Variants in SHOX observed in about 807,000 individuals in gnomAD.
The protein encoded by SHOX is short stature homeobox protein.
SHOX carries 12 observed loss-of-function variants against 29.6 expected under a neutral mutation model. The ratio of observed to expected loss-of-function variants is 0.41; its 90% CI spans 0.26 to 0.66. The LOEUF is 0.66. SHOX is among the 30% of genes least tolerant of loss of function. The pLI, the probability that SHOX is intolerant of heterozygous loss-of-function variation, is 0.35. For synonymous variants in SHOX, 214 were observed against 200.6 expected (o/e 1.07, Z -0.57); for missense variants, 499 against 437.7 (o/e 1.14, Z -1.25).
At chrX:658,920 A>G (rs2053187804) in exon 6 of SHOX, 1 of 262,758 alleles carries the variant, frequency 3.8e-6, no homozygotes, top group African/African-American at 2.3e-5. Context: ...GCCCACCACC[A>G]TGTCAAGATA....
At chrX:651,837 C>A (rs1013501132), downstream of SHOX, among the ~76,000 whole-genome samples, 1 of 151,910 alleles carries the variant, frequency 6.6e-6, no homozygotes, top group Non-Finnish European at 1.5e-5. Flanking sequence ...AACGTCCCCC[C>A]AGAAGGTGGC....
intron 4 of SHOX, among the ~76,000 whole-genome samples, chrX:641,616 G>A (rs993478569): frequency 2.0e-5 from 3 of 150,692 alleles, no homozygotes; most frequent in African/African-American, 4.9e-5. Context: ...GGAGGTGGAG[G>A]TTGCCGTGAG....
At chrX:657,470 C>G (rs1467457329) in intron 5 of SHOX, among the ~76,000 whole-genome samples, 3 of 152,182 alleles carry the variant, frequency 2.0e-5, no homozygotes, top group African/African-American at 4.8e-5. Context: ...GCTGCCCATC[C>G]TTCTAGAAGA....
Position 648,889 on chromosome X carries a change from CT to C in SHOX, c.*4254del, listed in dbSNP as rs1253122051. 5.4e-4 allele frequency among the ~76,000 whole-genome samples: 77 copies of C among 141,958 alleles called. 1 individual carries two copies. The highest frequency in any genetic ancestry group is 7.7e-4 in the Non-Finnish European group (50 of 65,230). The allele number at this position is 141,958 out of a possible 152,430, so 93.1% of individuals were successfully genotyped here. Reference sequence around the variant, plus strand: ...ACCAACGCCCTCTTCTCTCTCCCTTCTCCTTCCTTCCTTCCTTCCTTTCTTT... The same window carrying C: ...ACCAACGCCCTCTTCTCTCTCCCTTCCCTTCCTTCCTTCCTTCCTTTCTTT... On this transcript the variant is annotated 3_prime_UTR_variant, in exon 5 of 5. Coordinates refer to ENST00000686671, the MANE Select transcript of SHOX (RefSeq NM_000451.4).
At chrX:653,275 TAAATA>T (rs1045111911), downstream of SHOX, among the ~76,000 whole-genome samples, 2 of 151,980 alleles carry the variant, frequency 1.3e-5, no homozygotes, top group African/African-American at 2.4e-5. Context: ...TAACAGGAAC[TAAATA>T]AAATAAAACG....
chrX:628,141 CTGTG>C (rs1393361360), upstream of SHOX, among the ~76,000 whole-genome samples: 3 of 36,500 alleles, frequency 8.2e-5, no homozygotes, highest in Non-Finnish European at 2.1e-4. Flanking sequence ...GTATCTCTAT[CTGTG>C]TCTCTCTTTT....
At position 656,842 on chromosome X, in the gene SHOX, CAAA is replaced by C. The variant is rs777955647; in HGVS notation, c.634-1927_634-1925del. On this transcript the variant is annotated intron_variant, in intron 5 of 5. Coordinates refer to the SHOX transcript ENST00000334060. ...TGGGCCACAGAGCAAGACTCCGTCT[CAAA>C]AAAAAAAAAAAAAAACTGCTGCCCA... Among the ~76,000 whole-genome samples, 161 of 49,388 alleles carry C rather than the reference CAAA, an allele frequency of 3.3e-3. 19 individuals carry two copies. The highest frequency in any genetic ancestry group is 0.031 in the Middle Eastern group (2 of 64). 32.4% of individuals were successfully genotyped at this position (49,388 alleles called of 152,430 possible).
At chrX:625,100 TTTCTTTC>T (rs908058380) in intron 1 of SHOX, among the ~76,000 whole-genome samples, 1 of 120,606 alleles carries the variant, frequency 8.3e-6, no homozygotes, top group Non-Finnish European at 1.6e-5. Context: ...CCTCCTTCCC[TTTCTTTC>T]TTCTTTCTTT....
chrX:641,212 C>T, intron 4 of SHOX, 125 bp downstream of exon 4: 1 of 965,626 alleles, frequency 1.0e-6, no homozygotes, highest in South Asian at 1.4e-5. Flanking sequence ...CTCAGCTGGC[C>T]CTTAGAAAAA....
chrX:640,215 T>C (rs756098681), intron 2 of SHOX, among the ~76,000 whole-genome samples: 1 of 144,612 alleles, frequency 6.9e-6, no homozygotes, highest in Non-Finnish European at 1.5e-5. Context: ...TGTGGTGGTG[T>C]GCGCCTGTAA....
intron 2 of SHOX, among the ~76,000 whole-genome samples, chrX:640,037 A>G (rs2052823185): frequency 6.8e-6 from 1 of 146,946 alleles, no homozygotes; most frequent in Non-Finnish European, 1.5e-5. Context: ...CAAAAATCAA[A>G]AAAGAAAACC....
chrX:630,190 C>T (rs2052621103), upstream of SHOX, among the ~76,000 whole-genome samples: 1 of 152,168 alleles, frequency 6.6e-6, no homozygotes, highest in South Asian at 2.1e-4. Context: ...GCCCCTTCTT[C>T]TCACTTTCGG....
At chrX:635,369 G>C (rs980688662) in intron 2 of SHOX, among the ~76,000 whole-genome samples, 4 of 152,160 alleles carry the variant, frequency 2.6e-5, no homozygotes, top group Non-Finnish European at 5.9e-5. Context: ...CATTGAAAAG[G>C]TTTCCTTAGG....
At chrX:657,910 G>A (rs1186727949) in intron 5 of SHOX, among the ~76,000 whole-genome samples, 1 of 152,048 alleles carries the variant, frequency 6.6e-6, no homozygotes, top group East Asian at 1.9e-4. Context: ...GTTTTCCTTT[G>A]GAAGGCCATA....
rs374705909 is a variant in SHOX at position 634,834 on chromosome X, C to G, written c.486+8C>G. ...TCCGAGGCGCGCGTGCAGGTAGGAA[C>G]CCGGGGGCGGGGGCGGGGGGCCCGG... is the stretch of plus-strand genomic sequence containing the variant. On this transcript the variant is annotated splice_region_variant and intron_variant, in intron 2 of 4. Coordinates refer to ENST00000686671, the MANE Select transcript of SHOX (RefSeq NM_000451.4). The G allele has an allele frequency of 1.6e-5, 25 of 1,555,706 alleles. No homozygotes were observed. Among genetic ancestry groups the G allele is most frequent in the Non-Finnish European group, 8.7e-7 (1 of 1,150,328 alleles).
intron 2 of SHOX, 76 bp from the exon 3 acceptor site, chrX:640,745 C>G: frequency 6.4e-7 from 1 of 1,551,782 alleles, no homozygotes; most frequent in Non-Finnish European, 8.9e-7. Context: ...GGTTCAGCCT[C>G]ATGGGAAGGA....
chrX:641,388 C>G (rs2052850920), intron 4 of SHOX, among the ~76,000 whole-genome samples: 1 of 152,008 alleles, frequency 6.6e-6, no homozygotes, highest in Non-Finnish European at 1.5e-5. Flanking sequence ...TTAACGAAAC[C>G]CTGTCTATTA....
chrX:649,616 G>A lies in SHOX; in HGVS notation c.*4980G>A, dbSNP rs2053023302. ...GCTTCCCGGTGAGCTCGCTCGCAGA[G>A]CAAGGAATACCACCCAGAGAGCAAC... On this transcript the variant is annotated 3_prime_UTR_variant, in exon 5 of 5. Coordinates refer to ENST00000686671, the MANE Select transcript of SHOX (RefSeq NM_000451.4). Among the ~76,000 whole-genome samples the A allele has an allele frequency of 6.6e-6, 1 of 152,190 alleles. No individual in the cohort carries two copies. The highest frequency in any genetic ancestry group is 1.5e-5 in the Non-Finnish European group (1 of 68,042).
intron 4 of SHOX, 85 bp downstream of exon 4, chrX:641,172 C>G: frequency 8.0e-7 from 1 of 1,245,228 alleles, no homozygotes; most frequent in Non-Finnish European, 1.2e-6. Context: ...CATCCTGACA[C>G]TCCTAGTCCC....
Sources: allele counts gnomAD v4.1 joint callset (sites outside exome capture counted in the v4.1 genomes callset), GRCh38; gene constraint gnomAD v4.1.1; transcripts MANE v1.5; gene names NCBI Gene and HGNC (gene_info 2026-07-23, HGNC 2026-07-21).